The following DLGAP2 variants were observed in gnomAD, a reference collection of about 807,000 sequenced individuals.
The protein encoded by DLGAP2 is DLG associated protein 2.
Under a neutral mutation model 100.3 loss-of-function variants are expected in DLGAP2, and 26 were observed. That is an observed-to-expected ratio of 0.26 (90% confidence interval 0.19 to 0.36). The LOEUF (loss-of-function observed/expected upper bound fraction) is 0.36, where lower values mean the gene tolerates loss of function less well. Ranked by LOEUF, DLGAP2 falls within the 10% of genes least tolerant of loss-of-function variation. The pLI is 1.00. For synonymous variants in DLGAP2, 886 were observed against 630.1 expected (o/e 1.41, Z -6.08); for missense variants, 1,858 against 1,453.2 (o/e 1.28, Z -4.53).
intron 2 of DLGAP2, among the ~76,000 whole-genome samples, chr8:1,218,441 G>A (rs927361856): frequency 6.6e-6 from 1 of 151,990 alleles, no homozygotes; most frequent in Non-Finnish European, 1.5e-5. Context: ...CCGTTCCATT[G>A]GTCTATGTGT....
chr8:742,946 G>A (rs1321728164), intron 1 of DLGAP2, among the ~76,000 whole-genome samples: 1 of 152,162 alleles, frequency 6.6e-6, no homozygotes, highest in African/African-American at 2.4e-5. Context: ...GGTGCACGTA[G>A]GAAATGCTGG....
intron 3 of DLGAP2, among the ~76,000 whole-genome samples, chr8:1,282,648 A>C (rs1171209763): frequency 1.1e-4 from 11 of 99,364 alleles, no homozygotes; most frequent in African/African-American, 1.9e-4. Context: ...AACCCAGCGC[A>C]TGAACCATCC....
chr8:1,673,355 G>A (rs1170375735), intron 10 of DLGAP2, among the ~76,000 whole-genome samples: 1 of 152,140 alleles, frequency 6.6e-6, no homozygotes, highest in African/African-American at 2.4e-5. Flanking sequence ...CTTTGTCCCA[G>A]ACTTGCTTTT....
chr8:1,683,856 ATGTGTGTGTGTGTGTGTGTGTGTG>A (rs10583520), intron 12 of DLGAP2, among the ~76,000 whole-genome samples: 1 of 62,242 alleles, frequency 1.6e-5, no homozygotes, highest in Non-Finnish European at 2.7e-5. Flanking sequence ...ATATATATAT[ATGTGTGTGTGTGTGTGTGTGTGTG>A]TGTGTGTGTG....
intron 2 of DLGAP2, among the ~76,000 whole-genome samples, chr8:1,191,890 T>C (rs1437520157): frequency 6.6e-6 from 1 of 152,224 alleles, no homozygotes; most frequent in African/African-American, 2.4e-5. Context: ...CTTGGTGCAG[T>C]TGGCCCCTCT....
chr8:1,625,411 T>C (rs1274877782), intron 6 of DLGAP2, among the ~76,000 whole-genome samples: 2 of 152,222 alleles, frequency 1.3e-5, no homozygotes, highest in Non-Finnish European at 2.9e-5. Flanking sequence ...CTTCCATGCT[T>C]TTAACATTTC....
At chr8:959,461 G>C (rs1431015221) in intron 2 of DLGAP2, among the ~76,000 whole-genome samples, 2 of 152,254 alleles carry the variant, frequency 1.3e-5, no homozygotes, top group Non-Finnish European at 2.9e-5. Context: ...CCTGGCTCAT[G>C]CTGGCTTAGA....
chr8:1,491,009 A>G (rs1276699902), intron 3 of DLGAP2, among the ~76,000 whole-genome samples: 1 of 148,576 alleles, frequency 6.7e-6, no homozygotes, highest in African/African-American at 2.5e-5. Context: ...ATGTACCCTA[A>G]AACTTAAAGT....
In DLGAP2 at chr8:1,125,184, G is replaced by T. The variant is rs957830926; in HGVS notation, c.74-133667G>T. On this transcript the variant is annotated intron_variant, in intron 2 of 14. Coordinates refer to ENST00000637795, the MANE Select transcript of DLGAP2 (RefSeq NM_001346810.2). Reference sequence around the variant, plus strand: ...GCATGGCCTTGCATTGACAAAATGAGATACTTACAGCTTCCTCCACACATA... The same window carrying T: ...GCATGGCCTTGCATTGACAAAATGATATACTTACAGCTTCCTCCACACATA... Among the ~76,000 whole-genome samples the T allele has an allele frequency of 1.8e-4, 28 of 152,186 alleles. 1 individual carries two copies. Among genetic ancestry groups the T allele is most frequent in the African/African-American group, 6.5e-4 (27 of 41,444 alleles).
chr8:1,324,255 T>A (rs1800971303), intron 3 of DLGAP2, among the ~76,000 whole-genome samples: 1 of 152,240 alleles, frequency 6.6e-6, no homozygotes, highest in Admixed American at 6.5e-5. Flanking sequence ...AGAATGGTGT[T>A]TGTAATTCAA....
chr8:1,576,774 T>C (rs1037212920), intron 6 of DLGAP2, among the ~76,000 whole-genome samples: 1 of 152,236 alleles, frequency 6.6e-6, no homozygotes, highest in East Asian at 1.9e-4. Flanking sequence ...AAGATGGTTG[T>C]AGATGTGTGG....
At chr8:1,665,993 G>A (rs17064201) in intron 8 of DLGAP2, among the ~76,000 whole-genome samples, 15,985 of 152,216 alleles carry the variant, frequency 0.11, 1,029 homozygotes, top group Middle Eastern at 0.21. Flanking sequence ...CAGGAAAGGC[G>A]TCATCAGAAG....
intron 4 of DLGAP2, among the ~76,000 whole-genome samples, chr8:1,522,211 G>A (rs1386922127): frequency 6.6e-6 from 1 of 152,164 alleles, no homozygotes; most frequent in East Asian, 1.9e-4. Flanking sequence ...CAGACCTTTC[G>A]CCCATTTTTC....
At chr8:780,657 C>T (rs1821658599) in intron 1 of DLGAP2, among the ~76,000 whole-genome samples, 1 of 152,240 alleles carries the variant, frequency 6.6e-6, no homozygotes, top group East Asian at 1.9e-4. Context: ...AAAATATCCG[C>T]TCTAGTCACA....
chr8:900,735 G>T (rs974553697), intron 1 of DLGAP2, among the ~76,000 whole-genome samples: 1 of 152,168 alleles, frequency 6.6e-6, no homozygotes. Flanking sequence ...ATTCCGGGGA[G>T]GTTAACAGCA....
At chr8:1,097,564 G>GC (rs778769165) in intron 2 of DLGAP2, among the ~76,000 whole-genome samples, 13 of 111,442 alleles carry the variant, frequency 1.2e-4, no homozygotes, top group South Asian at 6.6e-4. Flanking sequence ...GGAGCTGGGA[G>GC]CCCGGGGCAG....
chr8:1,411,029 G>C (rs1796716520), intron 3 of DLGAP2, among the ~76,000 whole-genome samples: 1 of 152,014 alleles, frequency 6.6e-6, no homozygotes, highest in Non-Finnish European at 1.5e-5. Context: ...TTTATTTATT[G>C]AGTTTCAGTG....
chr8:1,183,536 G>A lies in DLGAP2; in HGVS notation c.74-75315G>A, dbSNP rs577765190. Among the ~76,000 whole-genome samples the A allele has an allele frequency of 2.6e-5, 4 of 152,334 alleles. No homozygotes were observed. In the South Asian group the frequency reaches 8.3e-4, roughly 32 times the overall value. On this transcript the variant is annotated intron_variant, in intron 2 of 14. Transcript: ENST00000637795. Reference sequence around the variant, plus strand: ...TATCCTTACTGATTTGTTAATCACAGCAGCCTATGAGGTAGCTGCTGTTAG... The same window carrying A: ...TATCCTTACTGATTTGTTAATCACAACAGCCTATGAGGTAGCTGCTGTTAG...
At chr8:1,031,940 T>G (rs950162040) in intron 2 of DLGAP2, among the ~76,000 whole-genome samples, 1 of 152,102 alleles carries the variant, frequency 6.6e-6, no homozygotes, top group East Asian at 1.9e-4. Flanking sequence ...AACAAGCGAG[T>G]CTGTCTGGGG....
Sources: allele counts gnomAD v4.1 joint callset (sites outside exome capture counted in the v4.1 genomes callset), GRCh38; gene constraint gnomAD v4.1.1; transcripts MANE v1.5; gene names NCBI Gene and HGNC (gene_info 2026-07-23, HGNC 2026-07-21).